Variants in ARHGEF7 observed in about 807,000 individuals in gnomAD.
ARHGEF7 encodes the protein PAK-interacting exchange factor beta.
ARHGEF7 carries 33 observed loss-of-function variants against 109.8 expected under a neutral mutation model. The ratio of observed to expected loss-of-function variants is 0.30; its 90% CI spans 0.23 to 0.40. The LOEUF (loss-of-function observed/expected upper bound fraction) is 0.40, where lower values mean the gene tolerates loss of function less well. ARHGEF7 is among the 10% of genes least tolerant of loss of function. ARHGEF7 has a pLI of 1.00. For missense variants in ARHGEF7, 938 were observed against 1,098.5 expected (o/e 0.85, Z 2.07); for synonymous variants, 458 against 424.6 (o/e 1.08, Z -0.97).
intron 2 of ARHGEF7, among the ~76,000 whole-genome samples, chr13:111,161,827 C>T (rs979741282): frequency 2.0e-5 from 3 of 151,950 alleles, no homozygotes; most frequent in African/African-American, 7.3e-5. Flanking sequence ...TTATAACATG[C>T]TTTAATTTGA....
At chr13:111,200,110 A>G (rs564408107) in intron 2 of ARHGEF7, among the ~76,000 whole-genome samples, 126 of 151,784 alleles carry the variant, frequency 8.3e-4, no homozygotes, top group African/African-American at 2.9e-3. Flanking sequence ...TTTCCCTACC[A>G]TCTTTCTGTG....
intron 1 of ARHGEF7, among the ~76,000 whole-genome samples, chr13:111,148,818 A>G (rs2075745854): frequency 1.3e-5 from 2 of 152,224 alleles, no homozygotes; most frequent in Non-Finnish European, 2.9e-5. Context: ...ACAGAAATCA[A>G]AGGAGACCTA....
intron 2 of ARHGEF7, among the ~76,000 whole-genome samples, chr13:111,200,468 A>G (rs1412521654): frequency 9.8e-6 from 1 of 101,820 alleles, no homozygotes; most frequent in Non-Finnish European, 2.3e-5. Context: ...TTTTTTTTTG[A>G]CAATACACTG....
At chr13:111,206,489 T>G (rs2081877276) in intron 3 of ARHGEF7, among the ~76,000 whole-genome samples, 1 of 152,182 alleles carries the variant, frequency 6.6e-6, no homozygotes, top group East Asian at 1.9e-4. Context: ...TGGCTGTGGC[T>G]GCGTGTTCAC....
At chr13:111,124,753 G>GT (rs929798913) in intron 1 of ARHGEF7, among the ~76,000 whole-genome samples, 5 of 151,586 alleles carry the variant, frequency 3.3e-5, no homozygotes, top group South Asian at 2.1e-4. Context: ...GTGTCTTCTA[G>GT]TTTTTTTTGT....
At chr13:111,178,610 AGTT>A in intron 2 of ARHGEF7, among the ~76,000 whole-genome samples, 1 of 152,306 alleles carries the variant, frequency 6.6e-6, no homozygotes, top group South Asian at 2.1e-4. Flanking sequence ...TTTCTGACTG[AGTT>A]AGCTTGGTAC....
intron 5 of ARHGEF7, among the ~76,000 whole-genome samples, chr13:111,222,617 A>G (rs1482239170): frequency 6.6e-6 from 1 of 152,082 alleles, no homozygotes; most frequent in African/African-American, 2.4e-5. Context: ...TTTAGTAGAG[A>G]TAGGGTTTTA....
At chr13:111,177,267 T>C (rs2078260959) in intron 2 of ARHGEF7, among the ~76,000 whole-genome samples, 1 of 152,234 alleles carries the variant, frequency 6.6e-6, no homozygotes, top group Non-Finnish European at 1.5e-5. Context: ...CCTGTTGTGA[T>C]GCACTTCCTG....
intron 9 of ARHGEF7, among the ~76,000 whole-genome samples, chr13:111,268,478 A>T (rs1006674366): frequency 1.3e-5 from 2 of 152,260 alleles, no homozygotes; most frequent in East Asian, 3.8e-4. Context: ...TAGCATAAAG[A>T]TAAATGCCAT....
At chr13:111,300,991 C>T in intron 20 of ARHGEF7, 144 bp downstream of exon 20, 1 of 508,398 alleles carries the variant, frequency 2.0e-6, no homozygotes, top group Non-Finnish European at 3.5e-6. Context: ...TCTTGTCACC[C>T]AGGCTGGAGT....
chr13:111,221,351 GTCTATATAT>G (rs1566871490), intron 5 of ARHGEF7, among the ~76,000 whole-genome samples: 3,754 of 9,954 alleles, frequency 0.38, 1,776 homozygotes, highest in East Asian at 0.7. Flanking sequence ...CTATATATAT[GTCTATATAT>G]ATATCTATAT....
rs2075571070 is a variant in ARHGEF7, at chr13:111,145,984, T to G, written c.166-7921T>G. 6.6e-6 allele frequency among the ~76,000 whole-genome samples: 1 copy of G among 152,210 alleles called. No individual in the cohort carries two copies. Among genetic ancestry groups the G allele is most frequent in the African/African-American group, 2.4e-5 (1 of 41,462 alleles). The stretch of plus-strand genomic sequence containing the variant: ...TGAGTTAGGTCATTTAGTGCACAGT[T>G]GCTGACTGTTTAACATGAGACATCG... On this transcript the variant is annotated intron_variant, in intron 1 of 21. Transcript: ENST00000646102. The surrounding 1 kb of genome is among the most constrained non-coding windows in gnomAD (Gnocchi z 4.3).
At chr13:111,116,853 C>T (rs2066824700) in intron 1 of ARHGEF7, among the ~76,000 whole-genome samples, 1 of 152,162 alleles carries the variant, frequency 6.6e-6, no homozygotes, top group Non-Finnish European at 1.5e-5. Flanking sequence ...GCTTGCATTC[C>T]ACTTTTAGCT....
chr13:111,263,901 A>G (rs569719591), intron 8 of ARHGEF7, among the ~76,000 whole-genome samples: 1 of 152,320 alleles, frequency 6.6e-6, no homozygotes, highest in Admixed American at 6.5e-5. Context: ...AAATGATAGA[A>G]CTCACTTTAA....
At chr13:111,156,991 A>G (rs187488271) in intron 2 of ARHGEF7, among the ~76,000 whole-genome samples, 5 of 152,352 alleles carry the variant, frequency 3.3e-5, no homozygotes, top group Admixed American at 2.6e-4. Context: ...AGATTTGTTA[A>G]AGGGAAAAAG....
chr13:111,292,235 A>G lies in ARHGEF7; in HGVS notation c.2252A>G (p.Glu751Gly), dbSNP rs2093311948. The G allele has an allele frequency of 1.9e-6, 3 of 1,614,076 alleles. No individual in the cohort carries two copies. Among genetic ancestry groups the G allele is most frequent in the Non-Finnish European group, 2.5e-6 (3 of 1,180,052 alleles). Residue 751 changes from glutamate (E) to glycine (G), a missense_variant, in exon 19 of 22, where the codon GAA (glutamate) becomes GGA (glycine). Coordinates refer to ENST00000646102, the MANE Select transcript of ARHGEF7 (RefSeq NM_001354046.2). Reference protein sequence around the residue: ...LSRLEPSDLSEDSDYDSIWTA... With the variant: ...LSRLEPSDLSGDSDYDSIWTA... ...CGTTTGGAGCCTTCAGACCTCTCGG[A>G]AGACTCTGACTATGACAGTATATGG...
chr13:111,138,541 G>A (rs2075196835), intron 1 of ARHGEF7, among the ~76,000 whole-genome samples: 1 of 152,194 alleles, frequency 6.6e-6, no homozygotes, highest in African/African-American at 2.4e-5. Context: ...AGCAGTTCAT[G>A]TTGTGGAGTT....
At chr13:111,211,111 CGTG>C (rs987208793) in intron 4 of ARHGEF7, among the ~76,000 whole-genome samples, 1 of 152,152 alleles carries the variant, frequency 6.6e-6, no homozygotes, top group African/African-American at 2.4e-5. Flanking sequence ...CTGCTTCAGG[CGTG>C]GTGGGCGGTG....
intron 1 of ARHGEF7, among the ~76,000 whole-genome samples, chr13:111,130,193 G>A (rs76030546): frequency 1.3e-5 from 2 of 152,176 alleles, no homozygotes; most frequent in African/African-American, 4.8e-5. Context: ...ACAATAGCTG[G>A]GGTAGGAGAA....
Sources: gnomAD v4.1 joint callset for allele counts (sites outside exome capture counted in the v4.1 genomes callset) on GRCh38, gnomAD v4.1.1 for gene constraint, Gnocchi (gnomAD v3.1) non-coding constraint, MANE v1.5 for transcripts, NCBI Gene and HGNC (gene_info 2026-07-23, HGNC 2026-07-21) for gene names.